Variants in TM2D3 observed in about 807,000 individuals in gnomAD.
The protein encoded by TM2D3 is TM2 domain-containing protein 3.
A neutral mutation model predicts 27.3 loss-of-function variants in TM2D3; 33 were observed. The ratio of observed to expected loss-of-function variants is 1.21; its 90% CI spans 0.92 to 1.61. The LOEUF (loss-of-function observed/expected upper bound fraction) is 1.61, where lower values mean the gene tolerates loss of function less well. TM2D3 is among the 40% of genes most tolerant of loss of function. TM2D3 has a pLI of 0.00. For missense variants in TM2D3, 364 were observed against 320.8 expected, an observed-to-expected ratio of 1.13 and a Z score of -1.03; for synonymous variants, 138 against 122.2, an observed-to-expected ratio of 1.13 and a Z score of -0.85.
downstream of TM2D3, among the ~76,000 whole-genome samples, chr15:101,638,487 G>A (rs1896598527): frequency 2.0e-5 from 3 of 152,030 alleles, no homozygotes; most frequent in South Asian, 2.1e-4. Context: ...AGTAGAGACG[G>A]GGGTTTCACC....
At chr15:101,644,717 T>C (rs944294270) in intron 5 of TM2D3, among the ~76,000 whole-genome samples, 2 of 152,230 alleles carry the variant, frequency 1.3e-5, no homozygotes, top group African/African-American at 4.8e-5. Flanking sequence ...TTTAATGTTT[T>C]TGTCATTTTC....
chr15:101,636,961 C>T, downstream of TM2D3: 1 of 415,744 alleles, frequency 2.4e-6, no homozygotes, highest in Non-Finnish European at 4.8e-6. Flanking sequence ...GAGATTTATT[C>T]CGAACCAAAT....
At chr15:101,638,834 A>C (rs1896606462), downstream of TM2D3, among the ~76,000 whole-genome samples, 1 of 152,048 alleles carries the variant, frequency 6.6e-6, no homozygotes, top group African/African-American at 2.4e-5. Context: ...GAGAAGGGAG[A>C]TGCTGCAATC....
downstream of TM2D3, among the ~76,000 whole-genome samples, chr15:101,639,905 T>TG (rs1376999263): frequency 1.1e-4 from 16 of 152,218 alleles, no homozygotes; most frequent in African/African-American, 3.4e-4. Context: ...CTAGGGACAA[T>TG]GGAGGGGGTA....
chr15:101,646,440 T>A, intron 4 of TM2D3: 3 of 201,808 alleles, frequency 1.5e-5, no homozygotes, highest in Non-Finnish European at 3.3e-5. Flanking sequence ...ATGGTATTGG[T>A]GCTGCTTTCA....
chr15:101,646,368 C>A, intron 4 of TM2D3: 1 of 247,516 alleles, frequency 4.0e-6, no homozygotes, highest in Non-Finnish European at 7.9e-6. Flanking sequence ...AGGGTGGTTA[C>A]CTTGGAAGAG....
At chr15:101,635,859 A>T (rs1204376561) in intron 4 of TM2D3, 1 of 152,114 alleles carries the variant, frequency 6.6e-6, no homozygotes, top group Non-Finnish European at 1.5e-5. Flanking sequence ...CCTCAAGATG[A>T]ACTCTTCATC....
Position 101,645,098 on chromosome 15 carries a change from A to G in TM2D3, c.567T>C (p.Ala189=), listed in dbSNP as rs763715484. The change falls in exon 5 of 6, where the codon GCT becomes GCC. Residue 189 remains alanine, a synonymous_variant. Transcript: ENST00000333202. ...GTAACAAGGCTTACCTTAGAGCCAG[A>G]GCCGTAGACCACTTATAGCCTCCAG... is the stretch of plus-strand genomic sequence containing the variant. ...NWTGGYKWST[A]LALSITLGGF... 6.2e-7 allele frequency: 1 copy of G among 1,613,790 alleles called. No homozygotes were observed. The highest frequency in any genetic ancestry group is 8.5e-7 in the Non-Finnish European group (1 of 1,179,868).
downstream of TM2D3, among the ~76,000 whole-genome samples, chr15:101,637,468 T>C (rs1252832718): frequency 6.6e-6 from 1 of 152,178 alleles, no homozygotes; most frequent in Non-Finnish European, 1.5e-5. Context: ...AAGAAACATA[T>C]TTGGGGTTAA....
In TM2D3 at chr15:101,642,651, T is replaced by C. The variant is rs2141361460; in HGVS notation, c.579-7A>G. Reference sequence around the variant, plus strand: ...AAACCCACCGAGGGTGATGCTGCGATGGCAAACAGACAGGATTCCATGAGA... The same window carrying C: ...AAACCCACCGAGGGTGATGCTGCGACGGCAAACAGACAGGATTCCATGAGA... On this transcript the variant is annotated splice_region_variant and splice_polypyrimidine_tract_variant and intron_variant, in intron 5 of 5. Transcript: ENST00000333202. The C allele has an allele frequency of 1.3e-6, 2 of 1,589,956 alleles. No homozygotes were observed. The highest frequency in any genetic ancestry group is 1.7e-6 in the Non-Finnish European group (2 of 1,166,318).
downstream of TM2D3, chr15:101,636,989 T>G (rs1054475002): frequency 5.5e-6 from 2 of 361,408 alleles, no homozygotes; most frequent in Admixed American, 6.8e-5. Flanking sequence ...AGGCACAGTA[T>G]CAAGAGGTCC....
chr15:101,651,462 AC>A, intron 2 of TM2D3: 1 of 497,152 alleles, frequency 2.0e-6, no homozygotes, highest in Non-Finnish European at 3.6e-6. Flanking sequence ...AAATAAGGTG[AC>A]AAATGAGCGT....
In TM2D3 at chr15:101,642,246, C is replaced by T; in HGVS notation, c.*233G>A. ...TTTCAATCACTGTATAATTCATTCT[C>T]CTGGCTTAAGTACGTTTTAATTTTT... On this transcript the variant is annotated 3_prime_UTR_variant, in exon 6 of 6. Transcript: ENST00000333202. 1.7e-6 allele frequency: 2 copies of T among 1,208,454 alleles called. No homozygotes were observed. Among genetic ancestry groups the T allele is most frequent in the Non-Finnish European group, 2.1e-6 (2 of 971,396 alleles). 74.9% of individuals were successfully genotyped at this position (1,208,454 alleles called of 1,614,324 possible). A position where few individuals can be genotyped will look rare whatever the true frequency, so the allele number is the denominator to read the frequency against.
intron 3 of TM2D3, 90 bp downstream of exon 3, chr15:101,649,914 G>T: frequency 7.9e-7 from 1 of 1,267,212 alleles, no homozygotes; most frequent in South Asian, 1.4e-5. Context: ...AAATTCTTCA[G>T]AATTTCTTCC....
downstream of TM2D3, among the ~76,000 whole-genome samples, chr15:101,640,138 C>T (rs1171245215): frequency 2.0e-5 from 3 of 152,164 alleles, no homozygotes; most frequent in Non-Finnish European, 4.4e-5. Flanking sequence ...GGTCAGAGCC[C>T]ATAGCTCACA....
intron 4 of TM2D3, chr15:101,634,332 G>T: frequency 6.6e-6 from 1 of 152,506 alleles, no homozygotes; most frequent in Non-Finnish European, 1.5e-5. Context: ...TACTCAGGAG[G>T]CTGAGGCAGG....
chr15:101,651,567 T>C (rs1896968921), intron 2 of TM2D3, 129 bp downstream of exon 2: 3 of 925,712 alleles, frequency 3.2e-6, no homozygotes, highest in Non-Finnish European at 5.0e-6. Flanking sequence ...TTAATTCACA[T>C]AATCTAAAAT....
In TM2D3 at chr15:101,642,558, A is replaced by G. The variant is rs976377433; in HGVS notation, c.665T>C (p.Leu222Pro). Residue 222 changes from leucine (L) to proline (P), a missense_variant, in exon 6 of 6, where the codon CTG becomes CCG. Coordinates refer to ENST00000333202, the MANE Select transcript of TM2D3 (RefSeq NM_078474.3). ...GACGTCTATCAGCGTCCATATTCCC[A>G]GGCCACCGAAGCTGAAGAGCTTGCC... ...GLGKLFSFGG[L>P]GIWTLIDVLL... is the part of the protein sequence containing the mutation. 39 of 1,613,068 alleles carry G rather than the reference A, an allele frequency of 2.4e-5. No homozygotes were observed. Among genetic ancestry groups the G allele is most frequent in the Non-Finnish European group, 3.1e-5 (37 of 1,179,814 alleles).
chr15:101,641,294 G>GCT (rs1555478289), downstream of TM2D3, among the ~76,000 whole-genome samples: 1 of 98,676 alleles, frequency 1.0e-5, no homozygotes, highest in Admixed American at 8.9e-5. Flanking sequence ...AACAAAACCA[G>GCT]TTTTTTTTTC....
Sources: allele counts gnomAD v4.1 joint callset (sites outside exome capture counted in the v4.1 genomes callset), GRCh38; gene constraint gnomAD v4.1.1; transcripts MANE v1.5; gene names NCBI Gene and HGNC (gene_info 2026-07-23, HGNC 2026-07-21).